CFAP52: variants seen among roughly 807,000 people sequenced by gnomAD.
The protein encoded by CFAP52 is cilia and flagella associated protein 52.
CFAP52 carries 57 observed loss-of-function variants against 70.5 expected under a neutral mutation model. The ratio of observed to expected loss-of-function variants is 0.81; its 90% CI spans 0.65 to 1.01. The LOEUF (loss-of-function observed/expected upper bound fraction) is 1.01. Among genes scored for constraint, CFAP52 ranks in the 50% least tolerant of loss-of-function variants. CFAP52 has a pLI of 0.00. For missense variants in CFAP52, 785 were observed against 788.5 expected (o/e 1.00, Z 0.05); for synonymous variants, 267 against 292.5 (o/e 0.91, Z 0.89).
chr17:9,602,459 C>T (rs373408939), intron 6 of CFAP52, among the ~76,000 whole-genome samples: 2 of 152,086 alleles, frequency 1.3e-5, no homozygotes, highest in Non-Finnish European at 2.9e-5. Flanking sequence ...TGAACTCATT[C>T]TTTTTTATGG....
intron 1 of CFAP52, among the ~76,000 whole-genome samples, chr17:9,581,809 A>G (rs11869172): frequency 0.018 from 2,808 of 152,334 alleles, 92 homozygotes; most frequent in African/African-American, 0.064. Flanking sequence ...CAATTGAGAG[A>G]TGTAACATAA....
At chr17:9,630,320 T>C (rs1177074467) in intron 9 of CFAP52, among the ~76,000 whole-genome samples, 1 of 148,790 alleles carries the variant, frequency 6.7e-6, no homozygotes, top group Non-Finnish European at 1.5e-5. Flanking sequence ...GGCTCACGCC[T>C]GTAATCCCAG....
chr17:9,609,981 C>A (rs1450822901), intron 7 of CFAP52, among the ~76,000 whole-genome samples: 1 of 151,560 alleles, frequency 6.6e-6, no homozygotes, highest in East Asian at 1.9e-4. Flanking sequence ...AACCTGGAAT[C>A]TGATTTCTGG....
At chr17:9,612,571 T>C in intron 8 of CFAP52, 92 bp downstream of exon 8, 3 of 1,385,410 alleles carry the variant, frequency 2.2e-6, no homozygotes, top group Non-Finnish European at 2.9e-6. Context: ...TTAATGAACA[T>C]AGTTATGATT....
chr17:9,602,851 T>A (rs941684356), intron 6 of CFAP52, among the ~76,000 whole-genome samples: 1 of 152,220 alleles, frequency 6.6e-6, no homozygotes, highest in Non-Finnish European at 1.5e-5. Flanking sequence ...TTGATTTACA[T>A]TTCTCTAATG....
At chr17:9,584,025 T>C (rs1004543275) in intron 1 of CFAP52, among the ~76,000 whole-genome samples, 14 of 152,036 alleles carry the variant, frequency 9.2e-5, no homozygotes, top group African/African-American at 3.1e-4. Flanking sequence ...AGAGGAATAA[T>C]GATCAAAGCA....
intron 12 of CFAP52, among the ~76,000 whole-genome samples, chr17:9,640,930 C>A (rs149196269): frequency 6.6e-6 from 1 of 152,142 alleles, no homozygotes; most frequent in Non-Finnish European, 1.5e-5. Context: ...AGGTGTGAGC[C>A]GCTGCACCCA....
chr17:9,608,318 G>A, intron 7 of CFAP52, 99 bp downstream of exon 7: 2 of 996,652 alleles, frequency 2.0e-6, no homozygotes, highest in Non-Finnish European at 1.4e-6. Context: ...AGTGATATTT[G>A]GTTAAAAAAT....
At position 9,643,359 on chromosome 17, in the gene CFAP52, G is replaced by A. The variant is rs1911176610; in HGVS notation, c.*161G>A. On this transcript the variant is annotated 3_prime_UTR_variant, in exon 14 of 14. Coordinates refer to ENST00000352665, the MANE Select transcript of CFAP52 (RefSeq NM_145054.5). ...AGAATGCATTTTATATTCTTAAATTGCATATTAAAATTGAAGTATGTTCAA... is the reference window on the plus strand; with the variant it reads ...AGAATGCATTTTATATTCTTAAATTACATATTAAAATTGAAGTATGTTCAA... 1 of 508,090 alleles carries A rather than the reference G, an allele frequency of 2.0e-6. No individual in the cohort carries two copies. The highest frequency in any genetic ancestry group is 9.1e-5 in the South Asian group (1 of 11,048). The allele number at this position is 508,090 out of a possible 1,614,324, so 31.5% of individuals were successfully genotyped here. A position where few individuals can be genotyped will look rare whatever the true frequency, so the allele number is the denominator to read the frequency against.
chr17:9,605,859 A>G (rs762325050), intron 6 of CFAP52, among the ~76,000 whole-genome samples: 40 of 152,116 alleles, frequency 2.6e-4, no homozygotes, highest in Non-Finnish European at 4.4e-4. Flanking sequence ...AAACCCAGAG[A>G]GTATGCAATG....
chr17:9,629,643 G>A (rs944733233), intron 9 of CFAP52, among the ~76,000 whole-genome samples: 1 of 150,316 alleles, frequency 6.7e-6, no homozygotes, highest in Non-Finnish European at 1.5e-5. Flanking sequence ...TGCCTCCCGT[G>A]TTCAAGCAAT....
chr17:9,587,516 A>G (rs1908552230), intron 3 of CFAP52, among the ~76,000 whole-genome samples: 2 of 152,082 alleles, frequency 1.3e-5, no homozygotes, highest in Non-Finnish European at 2.9e-5. Flanking sequence ...TTTCTTTGCA[A>G]CCTCACCAGC....
chr17:9,627,440 G>A (rs1910281174), intron 8 of CFAP52, among the ~76,000 whole-genome samples: 1 of 152,120 alleles, frequency 6.6e-6, no homozygotes, highest in Non-Finnish European at 1.5e-5. Flanking sequence ...GAACACAGGA[G>A]GTGGAGTAAG....
chr17:9,635,970 C>T lies in CFAP52; in HGVS notation c.1472+414C>T, dbSNP rs934810979. Among the ~76,000 whole-genome samples the T allele has an allele frequency of 2.0e-5, 3 of 151,654 alleles. No homozygotes were observed. In the East Asian group the frequency reaches 5.8e-4, roughly 29 times the overall value. ...GGCAGATCACCTGAGGTCAGGAGTT[C>T]GAGACCAGCCTGGCCAACATGGTGA... On this transcript the variant is annotated intron_variant, in intron 11 of 13. Transcript: ENST00000352665.
At chr17:9,585,560 A>G (rs1694932052) in intron 1 of CFAP52, among the ~76,000 whole-genome samples, 1 of 151,880 alleles carries the variant, frequency 6.6e-6, no homozygotes, top group Admixed American at 6.6e-5. Context: ...AATCCCAGCT[A>G]CTCGGGAGGC....
At chr17:9,589,558 C>T (rs1285260398) in intron 3 of CFAP52, among the ~76,000 whole-genome samples, 4 of 152,104 alleles carry the variant, frequency 2.6e-5, no homozygotes, top group Admixed American at 2.0e-4. Context: ...CATGGCGAGA[C>T]CCCATCTCTA....
At chr17:9,632,074 C>T (rs1007006477) in intron 9 of CFAP52, among the ~76,000 whole-genome samples, 2 of 136,506 alleles carry the variant, frequency 1.5e-5, no homozygotes, top group Non-Finnish European at 3.0e-5. Flanking sequence ...CGCCCAGCCT[C>T]CACTTTTTTT....
intron 4 of CFAP52, among the ~76,000 whole-genome samples, chr17:9,597,884 A>C (rs181085085): frequency 9.9e-5 from 15 of 152,054 alleles, no homozygotes; most frequent in Admixed American, 7.2e-4. Flanking sequence ...AAAGAAAAGA[A>C]AAAGAGGAAG....
intron 9 of CFAP52, among the ~76,000 whole-genome samples, chr17:9,630,631 C>T (rs1402288403): frequency 6.6e-6 from 1 of 150,522 alleles, no homozygotes; most frequent in Non-Finnish European, 1.5e-5. Flanking sequence ...GGGGTTTCAC[C>T]GTGTTAGCCA....
Sources: gnomAD v4.1 joint callset for allele counts (sites outside exome capture counted in the v4.1 genomes callset) on GRCh38, gnomAD v4.1.1 for gene constraint, MANE v1.5 for transcripts, NCBI Gene and HGNC (gene_info 2026-07-23, HGNC 2026-07-21) for gene names.